Variants in TUBA3E observed in about 807,000 individuals in gnomAD.
TUBA3E encodes tubulin alpha 3e, also known as tubulin alpha-3E chain.
TUBA3E carries 21 observed loss-of-function variants against 36.7 expected under a neutral mutation model. That is an observed-to-expected ratio of 0.57 (90% confidence interval 0.41 to 0.83). The LOEUF (loss-of-function observed/expected upper bound fraction) is 0.83, where lower values mean the gene tolerates loss of function less well. Among genes scored for constraint, TUBA3E ranks in the 40% least tolerant of loss-of-function variants. The pLI, the probability that TUBA3E is intolerant of heterozygous loss-of-function variation, is 0.00. For missense variants in TUBA3E, 469 were observed against 604.2 expected (o/e 0.78, Z 2.35); for synonymous variants, 177 against 241.9 (o/e 0.73, Z 2.49).
Position 130,194,151 on chromosome 2 carries a change from T to A in TUBA3E, c.691A>T (p.Ile231Phe). The A allele has an allele frequency of 6.2e-7, 1 of 1,613,922 alleles. No homozygotes were observed. The highest frequency in any genetic ancestry group is 1.1e-5 in the South Asian group (1 of 91,066). The part of the protein sequence containing the change: ...RPTYTNLNRL[I>F]GQIVSSITAS... ...GTGATGGAGGACACGATCTGCCCAATCAGGCGATTGAGGTTGGTGTACGTG... is the reference window on the plus strand; with the variant it reads ...GTGATGGAGGACACGATCTGCCCAAACAGGCGATTGAGGTTGGTGTACGTG... The change falls in exon 4 of 5, where the codon ATT (isoleucine) becomes TTT (phenylalanine). Residue 231 changes from isoleucine to phenylalanine, a missense_variant. Physicochemically the swap from Ile to Phe is conservative, Grantham distance 21 (BLOSUM62 0). Around this residue, in one of 3 missense-constraint regions of TUBA3E, gnomAD observed 296 missense variants for 346.9 expected, o/e 0.85. Coordinates refer to ENST00000312988, the MANE Select transcript of TUBA3E (RefSeq NM_207312.3).
Position 130,193,919 on chromosome 2 carries a change from C to A in TUBA3E, c.923G>T (p.Arg308Leu). Residue 308 changes from arginine (R) to leucine (L), a missense_variant, in exon 4 of 5, where the codon CGC becomes CTC. Arg to Leu is a moderately radical substitution (Grantham distance 102, BLOSUM62 -2). This residue lies in a region of TUBA3E where 296 missense variants were observed against 346.9 expected (regional missense o/e 0.85). Transcript: ENST00000312988. The stretch of plus-strand genomic sequence containing the variant: ...GCAGCAGGCCATGTACTTGCCATGG[C>A]GAGGGTCACACTTGACCATCTGATT... The part of the protein sequence containing the change: ...PANQMVKCDP[R>L]HGKYMACCML... The A allele has an allele frequency of 3.1e-6, 5 of 1,614,192 alleles. No homozygotes were observed. The highest frequency in any genetic ancestry group is 4.2e-6 in the Non-Finnish European group (5 of 1,180,032).
Position 130,198,263 on chromosome 2 carries a change from C to T in TUBA3E, c.3+95G>A, listed in dbSNP as rs1573773585. The T allele has an allele frequency of 7.7e-6, 10 of 1,295,034 alleles. 2 individuals are homozygous for T. Among genetic ancestry groups the T allele is most frequent in the African/African-American group, 4.7e-5 (3 of 63,782 alleles). The allele number at this position is 1,295,034 out of a possible 1,614,324, so 80.2% of individuals were successfully genotyped here. On this transcript the variant is annotated intron_variant, in intron 1 of 4. Transcript: ENST00000312988. ...ACCCTGCGTCCTTCTCTGGCCTCCT[C>T]TCAGCGCCCAGGCCCGCAACAACGT...
In TUBA3E at chr2:130,191,975, G is replaced by A; in HGVS notation, c.1209C>T (p.Ala403=). The change falls in exon 5 of 5, where the codon GCC becomes GCT. Residue 403 remains alanine (A), a synonymous_variant. Transcript: ENST00000312988. ...CTTCGCCCACGTACCAGTGCACAAA[G>A]GCCCACTTGGCATACATGAGATCGA... ...HKFDLMYAKW[A]FVHWYVGEGM... 6.2e-7 allele frequency: 1 copy of A among 1,613,850 alleles called. No individual in the cohort carries two copies. Among genetic ancestry groups the A allele is most frequent in the South Asian group, 1.1e-5 (1 of 91,066 alleles).
Position 130,192,039 on chromosome 2 carries a change from G to T in TUBA3E, c.1145C>A (p.Thr382Lys), listed in dbSNP as rs748996131. Residue 382 changes from threonine to lysine, a missense_variant, in exon 5 of 5, where the codon ACG becomes AAG. By Grantham distance (78) the Thr-to-Lys change is moderately conservative. Transcript: ENST00000312988. The part of the protein sequence containing the change: ...QRAVCMLSNT[T>K]AIAEAWARLV... ...GCGGGCCCAGGCCTCCGCAATGGCC[G>T]TGGTGTTGCTCAGCATGCACACGGC... 1.3e-5 allele frequency: 21 copies of T among 1,614,038 alleles called. No individual in the cohort carries two copies. Among genetic ancestry groups the T allele is most frequent in the Non-Finnish European group, 1.7e-5 (20 of 1,180,034 alleles).
intron 2 of TUBA3E, among the ~76,000 whole-genome samples, chr2:130,195,522 C>T (rs1234602100): frequency 1.3e-5 from 2 of 152,244 alleles, no homozygotes; most frequent in Non-Finnish European, 2.9e-5. Flanking sequence ...ATAATTCTTT[C>T]CTACGTGTAG....
Position 130,192,038 on chromosome 2 carries a change from C to G in TUBA3E, c.1146G>C (p.Thr382=). 1 of 1,614,138 alleles carries G rather than the reference C, an allele frequency of 6.2e-7. No homozygotes were observed. The highest frequency in any genetic ancestry group is 1.3e-5 in the African/African-American group (1 of 75,030). ...GGCGGGCCCAGGCCTCCGCAATGGC[C>G]GTGGTGTTGCTCAGCATGCACACGG... ...QRAVCMLSNT[T]AIAEAWARLV... Residue 382 remains threonine (T), a synonymous_variant, in exon 5 of 5, where the codon ACG becomes ACC. Transcript: ENST00000312988.
intron 3 of TUBA3E, 44 bp from the exon 4 acceptor site, chr2:130,194,510 C>T (rs1215076593): frequency 6.0e-6 from 9 of 1,509,698 alleles, no homozygotes; most frequent in Non-Finnish European, 7.1e-6. Flanking sequence ...GTGGAAGCCA[C>T]ACCACCAACC....
In TUBA3E at chr2:130,195,721, C is replaced by A. The variant is rs2443645; in HGVS notation, c.226+428G>T. ...CTTTGTAGCTCTCCTTGGAAACTAC[C>A]TCAGGCTGCGAATCTGAAGGAAGCA... On this transcript the variant is annotated intron_variant, in intron 2 of 4. Coordinates refer to ENST00000312988, the MANE Select transcript of TUBA3E (RefSeq NM_207312.3). Among the ~76,000 whole-genome samples, 257 of 152,026 alleles carry A rather than the reference C, an allele frequency of 1.7e-3. 2 individuals are homozygous for A. Among genetic ancestry groups the A allele is most frequent in the African/African-American group, 5.7e-3 (237 of 41,430 alleles).
chr2:130,196,250 A>C lies in TUBA3E; in HGVS notation c.125T>G (p.Ile42Ser). Residue 42 changes from isoleucine to serine, a missense_variant, in exon 2 of 5, where the codon ATT becomes AGT. Around this residue, in one of 3 missense-constraint regions of TUBA3E, gnomAD observed 169 missense variants for 239.0 expected, o/e 0.71. Transcript: ENST00000312988. ...PDGQMPSDKTIGGGDDSFNTF... is the reference protein window; with the variant it reads ...PDGQMPSDKTSGGGDDSFNTF... ...GTTGAAGGAGTCGTCCCCGCCACCAATGGTTTTATCACTTGGCATTTGACC... is the reference window on the plus strand; with the variant it reads ...GTTGAAGGAGTCGTCCCCGCCACCACTGGTTTTATCACTTGGCATTTGACC... 6.2e-7 allele frequency: 1 copy of C among 1,613,956 alleles called. No individual in the cohort carries two copies.
In TUBA3E at chr2:130,194,486, G is replaced by A. The variant is rs775855768; in HGVS notation, c.376-20C>T. ...ATCCGCCTGAGAGAAACCAGACAAC[G>A]TGAGCCAATGCCCGTGGAAGCCACA... On this transcript the variant is annotated intron_variant, in intron 3 of 4. Transcript: ENST00000312988. 106 of 1,519,878 alleles carry A rather than the reference G, an allele frequency of 7.0e-5. 1 individual carries two copies. Among genetic ancestry groups the A allele is most frequent in the Non-Finnish European group, 8.9e-5 (101 of 1,129,600 alleles). 94.1% of individuals were successfully genotyped at this position (1,519,878 alleles called of 1,614,324 possible).
Position 130,194,298 on chromosome 2 carries a change from C to T in TUBA3E, c.544G>A (p.Val182Met), listed in dbSNP as rs1690350587. 2.5e-6 allele frequency: 4 copies of T among 1,611,078 alleles called. No homozygotes were observed. Among genetic ancestry groups the T allele is most frequent in the Non-Finnish European group, 3.4e-6 (4 of 1,179,018 alleles). The stretch of plus-strand genomic sequence containing the variant: ...GTTAGGATGGAGTTGTAGGGCTCCA[C>T]CACGGCTGTGGAGACCTGGGGGGCT... ...YPAPQVSTAV[V>M]EPYNSILTTH... is the part of the protein sequence containing the mutation. The change falls in exon 4 of 5, where the codon GTG (valine) becomes ATG (methionine). Residue 182 changes from valine (V) to methionine (M), a missense_variant. Around this residue, in one of 3 missense-constraint regions of TUBA3E, gnomAD observed 169 missense variants for 239.0 expected, o/e 0.71. Transcript: ENST00000312988.
Position 130,194,043 on chromosome 2 carries a change from A to G in TUBA3E, c.799T>C (p.Phe267Leu), listed in dbSNP as rs758232054. 15 of 1,614,162 alleles carry G rather than the reference A, an allele frequency of 9.3e-6. No homozygotes were observed. The African/African-American group carries it at 1.6e-4, about 17-fold the overall frequency. ...ACTGGGGCGTAGGTGGCCAGGGGGA[A>G]GTGGATGCGGGGGTACGGCACGAGG... Reference protein sequence around the residue: ...TNLVPYPRIHFPLATYAPVIS... With the variant: ...TNLVPYPRIHLPLATYAPVIS... Residue 267 changes from phenylalanine (F) to leucine (L), a missense_variant, in exon 4 of 5, where the codon TTC becomes CTC. Phe to Leu is a conservative substitution (Grantham distance 22). Coordinates refer to ENST00000312988, the MANE Select transcript of TUBA3E (RefSeq NM_207312.3).
intron 1 of TUBA3E, 29 bp downstream of exon 1, chr2:130,198,329 C>G (rs1441413298): frequency 1.5e-6 from 2 of 1,353,254 alleles, no homozygotes; most frequent in African/African-American, 3.1e-5. Context: ...GCCTGGGCAT[C>G]TGCGGGGCGG....
intron 3 of TUBA3E, among the ~76,000 whole-genome samples, chr2:130,194,860 T>G (rs1690365215): frequency 6.6e-6 from 1 of 152,164 alleles, no homozygotes; most frequent in African/African-American, 2.4e-5. Flanking sequence ...GTATTTTTAG[T>G]AGACATAGAG....
chr2:130,196,007 A>G, intron 2 of TUBA3E, 142 bp downstream of exon 2: 1 of 1,391,932 alleles, frequency 7.2e-7, no homozygotes, highest in Non-Finnish European at 9.5e-7. Context: ...CAAACCTTTC[A>G]GTTTCTCTCC....
At chr2:130,193,096 A>AC (rs1690308245) in intron 4 of TUBA3E, among the ~76,000 whole-genome samples, 1 of 151,568 alleles carries the variant, frequency 6.6e-6, no homozygotes, top group Non-Finnish European at 1.5e-5. Flanking sequence ...GTCTCAAAAA[A>AC]AAAAAAAAAT....
chr2:130,192,110 C>G lies in TUBA3E; in HGVS notation c.1074G>C (p.Gln358His), dbSNP rs776584498. The G allele has an allele frequency of 6.3e-7, 1 of 1,597,266 alleles. No individual in the cohort carries two copies. The highest frequency in any genetic ancestry group is 1.1e-5 in the South Asian group (1 of 89,026). ...PTGFKVGINY[Q>H]PPTVVPGGDL... is the part of the protein sequence containing the mutation. ...CTCCCCCGGGGACCACTGTGGGGGG[C>G]TGGTAGTTAATGCCCACCTGCCAGA... The change falls in exon 5 of 5, where the codon CAG becomes CAC. Residue 358 changes from glutamine (Q) to histidine (H), a missense_variant. Coordinates refer to ENST00000312988, the MANE Select transcript of TUBA3E (RefSeq NM_207312.3).
At chr2:130,197,372 A>AACACTTTG (rs1288950988) in intron 1 of TUBA3E, among the ~76,000 whole-genome samples, 134 of 120,778 alleles carry the variant, frequency 1.1e-3, no homozygotes, top group South Asian at 1.4e-3. Flanking sequence ...CTGTAGTACC[A>AACACTTTG]GCTACTCGGA....
intron 4 of TUBA3E, among the ~76,000 whole-genome samples, chr2:130,193,410 A>G (rs1267799356): frequency 6.6e-6 from 1 of 151,654 alleles, no homozygotes. Context: ...GGAGTTCAAG[A>G]CCAACCTGTC....
Sources: gnomAD v4.1 joint callset for allele counts (sites outside exome capture counted in the v4.1 genomes callset) on GRCh38, gnomAD v4.1.1 for gene constraint, gnomAD v4.1.1 regional missense constraint, MANE v1.5 for transcripts, NCBI Gene and HGNC (gene_info 2026-07-23, HGNC 2026-07-21) for gene names.